Variants in NME7 observed in about 807,000 individuals in gnomAD.
NME7 encodes nucleoside diphosphate kinase 7.
A neutral mutation model predicts 49.1 loss-of-function variants in NME7; 41 were observed. The observed-to-expected ratio is 0.83, with a 90% confidence interval of 0.65 to 1.08. The LOEUF is 1.08. NME7 is among the 50% of genes least tolerant of loss of function. The probability of loss-of-function intolerance (pLI) is 0.00; values close to 1 mark genes in which losing one functional copy is unlikely to be tolerated. For synonymous variants in NME7, 139 were observed against 150.6 expected, an observed-to-expected ratio of 0.92 and a Z score of 0.56; for missense variants, 423 against 463.4, an observed-to-expected ratio of 0.91 and a Z score of 0.80.
At chr1:169,363,563 C>T (rs1443262667) in intron 1 of NME7, among the ~76,000 whole-genome samples, 2 of 152,132 alleles carry the variant, frequency 1.3e-5, no homozygotes, top group African/African-American at 4.8e-5. Flanking sequence ...CCTCTGCCTA[C>T]CTCCCTAACC....
intron 10 of NME7, among the ~76,000 whole-genome samples, chr1:169,222,804 T>C (rs896106460): frequency 5.9e-5 from 9 of 152,248 alleles, no homozygotes; most frequent in Non-Finnish European, 1.3e-4. Flanking sequence ...TGTAAATTTA[T>C]AGAAAAGTTA....
At chr1:169,210,684 T>C (rs563815877) in intron 10 of NME7, among the ~76,000 whole-genome samples, 1 of 151,908 alleles carries the variant, frequency 6.6e-6, no homozygotes, top group Non-Finnish European at 1.5e-5. Context: ...AAAATGACAG[T>C]TACTACAAAT....
intron 11 of NME7, among the ~76,000 whole-genome samples, chr1:169,146,991 T>C (rs1658775137): frequency 6.6e-6 from 1 of 152,206 alleles, no homozygotes; most frequent in South Asian, 2.1e-4. Flanking sequence ...GCCCCTCTCA[T>C]GGGTAAGCAC....
chr1:169,258,044 T>C lies in NME7; in HGVS notation c.755-20357A>G. On this transcript the variant is annotated intron_variant, in intron 7 of 11. Transcript: ENST00000367811. ...TTAGTTTGAGTGTTTGTTTCTATTT[T>C]AAAAAGACATAGGCCTGGCACAGTG... Among the ~76,000 whole-genome samples the C allele has an allele frequency of 1.5e-5, 2 of 133,232 alleles. 1 individual carries two copies. The highest frequency in any genetic ancestry group is 3.5e-5 in the Non-Finnish European group (2 of 56,826). The allele number at this position is 133,232 out of a possible 152,430, so 87.4% of individuals were successfully genotyped here.
At chr1:169,244,248 A>T (rs887504063) in intron 7 of NME7, among the ~76,000 whole-genome samples, 2 of 152,148 alleles carry the variant, frequency 1.3e-5, no homozygotes, top group African/African-American at 2.4e-5. Flanking sequence ...TCTGATTCTT[A>T]TCAATTTGGC....
chr1:169,328,277 C>T (rs1204463432), intron 1 of NME7, among the ~76,000 whole-genome samples: 3 of 152,086 alleles, frequency 2.0e-5, no homozygotes, highest in Non-Finnish European at 4.4e-5. Flanking sequence ...TCTCATTTTC[C>T]CCATTTGAAA....
chr1:169,134,520 GAA>G (rs1658364176), intron 11 of NME7, among the ~76,000 whole-genome samples: 1 of 152,082 alleles, frequency 6.6e-6, no homozygotes, highest in African/African-American at 2.4e-5. Context: ...ACTGAAGAGA[GAA>G]AAAGGATTCT....
chr1:169,186,945 G>A (rs1184795031), intron 10 of NME7, among the ~76,000 whole-genome samples: 1 of 152,074 alleles, frequency 6.6e-6, no homozygotes, highest in African/African-American at 2.4e-5. Context: ...ATTTTGGTAT[G>A]CTGTGTCTTT....
At chr1:169,202,500 A>C (rs1304283400) in intron 10 of NME7, among the ~76,000 whole-genome samples, 1 of 152,170 alleles carries the variant, frequency 6.6e-6, no homozygotes, top group Non-Finnish European at 1.5e-5. Context: ...AGTCTCACGT[A>C]TTTCTTTATA....
Position 169,262,255 on chromosome 1 carries a change from G to A in NME7, c.755-24568C>T, listed in dbSNP as rs1273673171. 2.2e-5 allele frequency among the ~76,000 whole-genome samples: 3 copies of A among 133,948 alleles called. 1 individual carries two copies. The highest frequency in any genetic ancestry group is 3.5e-5 in the Non-Finnish European group (2 of 56,972). The allele number at this position is 133,948 out of a possible 152,430, so 87.9% of individuals were successfully genotyped here. ...TCTTTTGAGAATGAGATTCAGTCTTGTACACTCCAGCTCCAGTACAGCTCC... is the reference window on the plus strand; with the variant it reads ...TCTTTTGAGAATGAGATTCAGTCTTATACACTCCAGCTCCAGTACAGCTCC... On this transcript the variant is annotated intron_variant, in intron 7 of 11. Transcript: ENST00000367811.
chr1:169,169,430 T>G lies in NME7; in HGVS notation c.1098+17A>C. 2 of 1,587,426 alleles carry G rather than the reference T, an allele frequency of 1.3e-6. No homozygotes were observed. The highest frequency in any genetic ancestry group is 4.5e-5 in the East Asian group (2 of 44,730). On this transcript the variant is annotated intron_variant, in intron 11 of 11. Coordinates refer to ENST00000367811, the MANE Select transcript of NME7 (RefSeq NM_013330.5). ...GAGCTTGAAATATAAATAGGATGTT[T>G]ACCTTCTTTATCTTACCTCTAATAG...
chr1:169,356,258 C>A (rs150672469), intron 1 of NME7, among the ~76,000 whole-genome samples: 187 of 152,240 alleles, frequency 1.2e-3, no homozygotes, highest in African/African-American at 4.2e-3. Context: ...AGAAAACATT[C>A]TCTAAGTGTC....
At chr1:169,345,591 T>G (rs1652925330) in intron 1 of NME7, among the ~76,000 whole-genome samples, 1 of 152,152 alleles carries the variant, frequency 6.6e-6, no homozygotes, top group South Asian at 2.1e-4. Context: ...CTCTCTTCTA[T>G]TCCAGTACAG....
chr1:169,230,889 C>T, intron 9 of NME7, 70 bp from the exon 10 acceptor site: 1 of 1,025,332 alleles, frequency 9.8e-7, no homozygotes, highest in Non-Finnish European at 1.4e-6. Flanking sequence ...AATTGTTTCA[C>T]TGTTCCACTA....
At chr1:169,306,818 T>C (rs1178415174) in intron 4 of NME7, among the ~76,000 whole-genome samples, 1 of 152,084 alleles carries the variant, frequency 6.6e-6, no homozygotes, top group Admixed American at 6.5e-5. Flanking sequence ...AGTTCGAGAC[T>C]AGCCTGGGCA....
At chr1:169,365,359 A>T (rs1557842002) in intron 1 of NME7, among the ~76,000 whole-genome samples, 1 of 152,152 alleles carries the variant, frequency 6.6e-6, no homozygotes, top group Non-Finnish European at 1.5e-5. Context: ...TGCATTCTCA[A>T]TGTTTGGCCT....
Position 169,235,139 on chromosome 1 carries a change from C to A in NME7, c.880G>T (p.Glu294Ter), listed in dbSNP as rs778762088. ...TTTACTTTTATACTTACATGATATT[C>A]GGTCACTACTCCTTTATAAACTTCA... ...FYEVYKGVVT[E>*]YHDMVTEMYS... The change falls in exon 9 of 12, where the codon GAA becomes TAA. Residue 294 changes from glutamate to a stop codon, truncating the protein, a stop_gained. Coordinates refer to ENST00000367811, the MANE Select transcript of NME7 (RefSeq NM_013330.5). LOFTEE classifies it high-confidence loss of function. 10 of 1,507,294 alleles carry A rather than the reference C, an allele frequency of 6.6e-6. No homozygotes were observed. In the East Asian group the frequency reaches 1.8e-4, roughly 27 times the overall value. 93.4% of individuals were successfully genotyped at this position (1,507,294 alleles called of 1,614,324 possible).
At chr1:169,291,309 A>G (rs2101899306) in intron 6 of NME7, among the ~76,000 whole-genome samples, 1 of 152,332 alleles carries the variant, frequency 6.6e-6, no homozygotes, top group East Asian at 1.9e-4. Context: ...GCACATATAC[A>G]GCATAGAATA....
chr1:169,357,020 TAAC>T (rs1391038403), intron 1 of NME7, among the ~76,000 whole-genome samples: 1 of 152,118 alleles, frequency 6.6e-6, no homozygotes, highest in African/African-American at 2.4e-5. Context: ...CACTTGGAAA[TAAC>T]AACAGCAGTA....
Sources: gnomAD v4.1 joint callset for allele counts (sites outside exome capture counted in the v4.1 genomes callset) on GRCh38, gnomAD v4.1.1 for gene constraint, MANE v1.5 for transcripts, NCBI Gene and HGNC (gene_info 2026-07-23, HGNC 2026-07-21) for gene names.